The following ATXN2 variants were observed in gnomAD, a reference collection of about 807,000 sequenced individuals.
The protein encoded by ATXN2 is ataxin 2, also known as ataxin-2.
ATXN2 carries 37 observed loss-of-function variants against 138.6 expected under a neutral mutation model. That is an observed-to-expected ratio of 0.27 (90% CI 0.21 to 0.35). The LOEUF (loss-of-function observed/expected upper bound fraction) is 0.35, where lower values mean the gene tolerates loss of function less well. Ranked by LOEUF, ATXN2 falls within the 10% of genes least tolerant of loss-of-function variation. The pLI is 1.00. For missense variants in ATXN2, 1,216 were observed against 1,480.3 expected, an observed-to-expected ratio of 0.82 and a Z score of 2.93; for synonymous variants, 549 against 543.7, an observed-to-expected ratio of 1.01 and a Z score of -0.13.
At position 111,552,863 on chromosome 12, in the gene ATXN2, T is replaced by C. The variant is rs767003514; in HGVS notation, c.420+43A>G. The C allele has an allele frequency of 7.5e-7, 1 of 1,337,178 alleles. No individual in the cohort carries two copies. The highest frequency in any genetic ancestry group is 1.0e-6 in the Non-Finnish European group (1 of 975,068). 82.8% of individuals were successfully genotyped at this position (1,337,178 alleles called of 1,614,324 possible). ...CTAGGTAAAACACTGACTATGAAAATGTTCTTTTACTTTGTAAGAAAAAGA... is the reference window on the plus strand; with the variant it reads ...CTAGGTAAAACACTGACTATGAAAACGTTCTTTTACTTTGTAAGAAAAAGA... On this transcript the variant is annotated intron_variant, in intron 4 of 24. Transcript: ENST00000673436. The surrounding 1 kb of genome is among the most constrained non-coding windows in gnomAD (Gnocchi z 4.1).
At chr12:111,576,392 G>A (rs1337496601) in intron 1 of ATXN2, among the ~76,000 whole-genome samples, 4 of 151,982 alleles carry the variant, frequency 2.6e-5, no homozygotes, top group South Asian at 2.1e-4. Flanking sequence ...CTAAGATTGC[G>A]CCACTGCACG....
chr12:111,591,189 G>A (rs903076155), intron 1 of ATXN2, among the ~76,000 whole-genome samples: 3 of 151,884 alleles, frequency 2.0e-5, no homozygotes, highest in South Asian at 2.1e-4. Flanking sequence ...GTGCCCGGCC[G>A]GTGGAACAGT....
chr12:111,537,057 A>G (rs1231814077), intron 5 of ATXN2, among the ~76,000 whole-genome samples: 1 of 151,930 alleles, frequency 6.6e-6, no homozygotes, highest in East Asian at 1.9e-4. Context: ...TGCTGGGATT[A>G]CAGAGGCATG....
chr12:111,519,326 T>A (rs1880027649), intron 8 of ATXN2, among the ~76,000 whole-genome samples: 1 of 152,150 alleles, frequency 6.6e-6, no homozygotes, highest in Non-Finnish European at 1.5e-5. Flanking sequence ...CTGACACAGA[T>A]CCTGTGTTCC....
chr12:111,510,200 G>T (rs1044425029), intron 12 of ATXN2, among the ~76,000 whole-genome samples, 185 bp downstream of exon 12: 1 of 152,060 alleles, frequency 6.6e-6, no homozygotes, highest in African/African-American at 2.4e-5. Context: ...GTTAACCTTT[G>T]TAACACAGAC....
chr12:111,573,204 A>AT (rs1883439866), intron 1 of ATXN2, among the ~76,000 whole-genome samples: 1 of 151,760 alleles, frequency 6.6e-6, no homozygotes, highest in African/African-American at 2.4e-5. Flanking sequence ...TTATTTATTT[A>AT]TTTTTTGAGA....
chr12:111,578,386 A>C (rs1354345326), intron 1 of ATXN2, among the ~76,000 whole-genome samples: 1 of 152,112 alleles, frequency 6.6e-6, no homozygotes, highest in African/African-American at 2.4e-5. Flanking sequence ...TACCACTTTT[A>C]TCTTTTACGC....
chr12:111,598,993 C>CTGCTGCTGCTGT lies in ATXN2; in HGVS notation c.41_42insACAGCAGCAGCA (p.Gln25_Gln28dup), dbSNP rs1555246707. The CTGCTGCTGCTGT allele has an allele frequency of 7.0e-5, 103 of 1,479,870 alleles. No individual in the cohort carries two copies. Among genetic ancestry groups the CTGCTGCTGCTGT allele is most frequent in the African/African-American group, 3.1e-4 (21 of 67,358 alleles). 91.7% of individuals were successfully genotyped at this position (1,479,870 alleles called of 1,614,324 possible). On this transcript the variant is annotated inframe_insertion, in exon 1 of 25. Transcript: ENST00000673436. The surrounding 1 kb of genome is among the most constrained non-coding windows in gnomAD (Gnocchi z 4.5). ...GCTGCTGCTGTTGCTGCTGCTGCTG[C>CTGCTGCTGCTGT]TGCTGCTGCTGCTGCTGCTGCTGCT... is the stretch of plus-strand genomic sequence containing the variant.
intron 1 of ATXN2, among the ~76,000 whole-genome samples, chr12:111,581,062 G>A (rs1405182609): frequency 1.3e-5 from 2 of 150,932 alleles, no homozygotes; most frequent in Non-Finnish European, 2.9e-5. Flanking sequence ...CTTGAACCCA[G>A]GAGGTGGAGG....
At position 111,518,299 on chromosome 12, in the gene ATXN2, G is replaced by A. The variant is rs1259132756; in HGVS notation, c.1115C>T (p.Thr372Ile). The A allele has an allele frequency of 2.5e-6, 4 of 1,612,058 alleles. No individual in the cohort carries two copies. The Admixed American group carries it at 6.7e-5, about 27-fold the overall frequency. The change falls in exon 9 of 25, where the codon ACT becomes ATT. Residue 372 changes from threonine to isoleucine, a missense_variant. By Grantham distance (89) the Thr-to-Ile change is moderately conservative (BLOSUM62 -1). Around this residue, in one of 4 missense-constraint regions of ATXN2, gnomAD observed 401 missense variants for 528.1 expected, o/e 0.76. Transcript: ENST00000673436. ...GSMPSRSTSH[T>I]SDFNPNSGSD... ...ACCAGAATTCGGGTTGAAATCTGAA[G>A]TGTGAGAAGTGGATCTTGATGGCAT...
chr12:111,483,452 CTTTTTTTTT>C (rs927752030), intron 18 of ATXN2, among the ~76,000 whole-genome samples: 32 of 107,214 alleles, frequency 3.0e-4, no homozygotes, highest in African/African-American at 9.8e-4. Context: ...TAAAAGAACT[CTTTTTTTTT>C]TTTTTTTTTT....
At chr12:111,492,623 G>A (rs1000053462) in intron 14 of ATXN2, among the ~76,000 whole-genome samples, 17 of 151,998 alleles carry the variant, frequency 1.1e-4, no homozygotes, top group South Asian at 1.0e-3. Context: ...CGGAGGTTGC[G>A]GTGAGCAAAG....
intron 10 of ATXN2, among the ~76,000 whole-genome samples, 157 bp downstream of exon 10, chr12:111,515,997 G>A (rs1384872993): frequency 6.6e-6 from 1 of 152,092 alleles, no homozygotes; most frequent in Non-Finnish European, 1.5e-5. Context: ...TCTCTCTAAT[G>A]AACAAAAGGT....
intron 13 of ATXN2, 53 bp from the exon 14 acceptor site, chr12:111,509,672 A>T (rs1340246963): frequency 6.4e-6 from 7 of 1,095,990 alleles, no homozygotes; most frequent in Non-Finnish European, 9.3e-6. Context: ...CTTTAACATC[A>T]CATTCTTTTT....
intron 5 of ATXN2, among the ~76,000 whole-genome samples, chr12:111,542,439 C>G (rs752384372): frequency 6.6e-6 from 1 of 152,048 alleles, no homozygotes; most frequent in Non-Finnish European, 1.5e-5. Flanking sequence ...AGGCTGGTCT[C>G]CAACTCCTTA....
chr12:111,538,878 A>G (rs1212915641), intron 5 of ATXN2, among the ~76,000 whole-genome samples: 1 of 150,370 alleles, frequency 6.7e-6, no homozygotes, highest in Non-Finnish European at 1.5e-5. Context: ...ATCAAATTCT[A>G]CAGCAAAGCC....
intron 5 of ATXN2, among the ~76,000 whole-genome samples, chr12:111,534,130 A>G (rs1304740107): frequency 6.6e-6 from 1 of 151,956 alleles, no homozygotes; most frequent in African/African-American, 2.4e-5. Flanking sequence ...GTTTAAAAAT[A>G]TAAGTATTTC....
chr12:111,584,409 A>AAAAAAAAC (rs1884205253), intron 1 of ATXN2, among the ~76,000 whole-genome samples: 1 of 146,948 alleles, frequency 6.8e-6, no homozygotes, highest in African/African-American at 2.6e-5. Flanking sequence ...AAAAAAAAAA[A>AAAAAAAAC]AATTCATTGA....
At chr12:111,588,235 T>A (rs1444748880) in intron 1 of ATXN2, among the ~76,000 whole-genome samples, 14 of 147,456 alleles carry the variant, frequency 9.5e-5, no homozygotes, top group Non-Finnish European at 4.4e-5. Context: ...CAAATTGACA[T>A]TGTAAAGTCA....
Sources: allele counts gnomAD v4.1 joint callset (sites outside exome capture counted in the v4.1 genomes callset), GRCh38; gene constraint gnomAD v4.1.1; regional missense constraint gnomAD v4.1.1; non-coding constraint Gnocchi (gnomAD v3.1); transcripts MANE v1.5; gene names NCBI Gene and HGNC (gene_info 2026-07-23, HGNC 2026-07-21).